The following RIOX2 variants were observed in gnomAD, a reference collection of about 807,000 sequenced individuals.
The protein encoded by RIOX2 is ribosomal oxygenase 2, also known as 60S ribosomal protein L27a histidine hydroxylase.
RIOX2 carries 43 observed loss-of-function variants against 51.2 expected under a neutral mutation model. That is an observed-to-expected ratio of 0.84 (90% CI 0.66 to 1.08). RIOX2 has a LOEUF of 1.08. Among genes scored for constraint, RIOX2 ranks in the 50% least tolerant of loss-of-function variants. The pLI, the probability that RIOX2 is intolerant of heterozygous loss-of-function variation, is 0.00. For synonymous variants in RIOX2, 226 were observed against 218.5 expected, an observed-to-expected ratio of 1.03 and a Z score of -0.30; for missense variants, 566 against 561.7, an observed-to-expected ratio of 1.01 and a Z score of -0.08.
intron 9 of RIOX2, 156 bp downstream of exon 9, chr3:97,945,642 T>A: frequency 1.6e-6 from 1 of 643,440 alleles, no homozygotes; most frequent in Non-Finnish European, 2.7e-6. Context: ...ATGTCTGACT[T>A]AATCATCCCC....
chr3:97,965,210 TAAAA>T (rs10644219), intron 2 of RIOX2, among the ~76,000 whole-genome samples: 2 of 114,906 alleles, frequency 1.7e-5, no homozygotes, highest in East Asian at 2.5e-4. Flanking sequence ...ACAAAGAGAT[TAAAA>T]AAAAAAAAAA....
intron 8 of RIOX2, 108 bp downstream of exon 8, chr3:97,947,253 G>A (rs1307866183): frequency 1.3e-6 from 1 of 792,242 alleles, no homozygotes; most frequent in African/African-American, 1.7e-5. Context: ...ACTGAATGCA[G>A]GTGGATTCCT....
chr3:97,958,553 T>C (rs1012763506), intron 4 of RIOX2, among the ~76,000 whole-genome samples: 38 of 152,196 alleles, frequency 2.5e-4, no homozygotes, highest in African/African-American at 2.7e-4. Flanking sequence ...CTGGTAACTA[T>C]GCAGGGGGCA....
chr3:97,947,667 A>C (rs1404743482), intron 7 of RIOX2, among the ~76,000 whole-genome samples: 1 of 152,242 alleles, frequency 6.6e-6, no homozygotes, highest in Admixed American at 6.5e-5. Context: ...AGACAGACAT[A>C]GATAAATAAT....
chr3:97,954,132 C>T, intron 5 of RIOX2: 1 of 407,414 alleles, frequency 2.5e-6, no homozygotes. Context: ...TAGTCTCTTT[C>T]TTTCCAAACT....
chr3:97,958,887 T>A (rs533915207), intron 4 of RIOX2, among the ~76,000 whole-genome samples, 164 bp downstream of exon 4: 2 of 152,164 alleles, frequency 1.3e-5, no homozygotes, highest in South Asian at 4.1e-4. Context: ...AGAAATTACA[T>A]GTGCTGGCTG....
intron 7 of RIOX2, among the ~76,000 whole-genome samples, chr3:97,948,565 C>T (rs2040412992): frequency 2.0e-5 from 3 of 152,174 alleles, no homozygotes; most frequent in Admixed American, 6.5e-5. Flanking sequence ...ACTGACCGAA[C>T]ATCCCCCTAC....
At chr3:97,962,601 C>T (rs1705728500) in intron 2 of RIOX2, among the ~76,000 whole-genome samples, 1 of 152,084 alleles carries the variant, frequency 6.6e-6, no homozygotes, top group Non-Finnish European at 1.5e-5. Flanking sequence ...AGCGATGGGC[C>T]ATATATTCCC....
At chr3:97,953,725 T>C (rs1237860697) in intron 5 of RIOX2, among the ~76,000 whole-genome samples, 1 of 152,224 alleles carries the variant, frequency 6.6e-6, no homozygotes, top group East Asian at 1.9e-4. Context: ...GCAAGGTTGC[T>C]GCTTTTTGGA....
intron 5 of RIOX2, among the ~76,000 whole-genome samples, chr3:97,952,918 T>A (rs890732957): frequency 6.6e-6 from 1 of 152,134 alleles, no homozygotes; most frequent in Non-Finnish European, 1.5e-5. Context: ...AAGATAGCAC[T>A]AAACTAGGGC....
intron 2 of RIOX2, 34 bp from the exon 3 acceptor site, chr3:97,961,742 T>TG: frequency 6.4e-7 from 1 of 1,555,232 alleles, no homozygotes; most frequent in Non-Finnish European, 8.6e-7. Context: ...AGGGTCGGCG[T>TG]GGGGGAGTGA....
chr3:97,953,184 A>G (rs1705313044), intron 5 of RIOX2, among the ~76,000 whole-genome samples: 1 of 152,090 alleles, frequency 6.6e-6, no homozygotes, highest in Non-Finnish European at 1.5e-5. Context: ...TAATGCCCCT[A>G]CTTAGCTAAA....
At chr3:97,962,883 C>G (rs1705740805) in intron 2 of RIOX2, among the ~76,000 whole-genome samples, 1 of 152,150 alleles carries the variant, frequency 6.6e-6, no homozygotes, top group South Asian at 2.1e-4. Context: ...GCTCCAAAGT[C>G]CATACCTTTC....
intron 3 of RIOX2, among the ~76,000 whole-genome samples, chr3:97,959,760 T>C (rs1021757358): frequency 6.6e-6 from 1 of 152,070 alleles, no homozygotes; most frequent in Admixed American, 6.5e-5. Context: ...GCATCAAATA[T>C]AAAAACATAT....
intron 3 of RIOX2, among the ~76,000 whole-genome samples, chr3:97,960,686 A>C (rs1705644256): frequency 6.6e-6 from 1 of 152,234 alleles, no homozygotes. Flanking sequence ...GGAATCGTGA[A>C]TCCTGACACT....
Position 97,944,884 on chromosome 3 carries a change from G to A in RIOX2, c.*300C>T. The stretch of plus-strand genomic sequence containing the variant: ...TGTTTCTTCCAAAGAACAAAGCCAG[G>A]TTAATGACATTCAATTCTAAATGAT... On this transcript the variant is annotated 3_prime_UTR_variant, in exon 10 of 10. Transcript: ENST00000394198. The A allele has an allele frequency of 5.0e-6, 1 of 200,020 alleles. No homozygotes were observed. Among genetic ancestry groups the A allele is most frequent in the Non-Finnish European group, 1.0e-5 (1 of 99,968 alleles). 12.4% of individuals were successfully genotyped at this position (200,020 alleles called of 1,614,324 possible). A position where few individuals can be genotyped will look rare whatever the true frequency, so the allele number is the denominator to read the frequency against.
rs1291946250 is a variant in RIOX2 at position 97,945,146 on chromosome 3, T to C, written c.*38A>G. The C allele has an allele frequency of 1.3e-6, 2 of 1,553,532 alleles. No homozygotes were observed. Among genetic ancestry groups the C allele is most frequent in the East Asian group, 2.3e-5 (1 of 43,840 alleles). Reference sequence around the variant, plus strand: ...AGGTCTTTGCTTTTCTTTTAATATATGCATATAAAATAGTAGGCATTTGAT... The same window carrying C: ...AGGTCTTTGCTTTTCTTTTAATATACGCATATAAAATAGTAGGCATTTGAT... On this transcript the variant is annotated 3_prime_UTR_variant, in exon 10 of 10. Coordinates refer to ENST00000394198, the MANE Select transcript of RIOX2 (RefSeq NM_153182.4).
Position 97,945,086 on chromosome 3 carries a change from G to T in RIOX2, c.*98C>A. ...TCTCATGTTTGTTAGTAGATACGCA[G>T]GTAAGGAAACTTGAATTCATCCTCT... is the stretch of plus-strand genomic sequence containing the variant. On this transcript the variant is annotated 3_prime_UTR_variant, in exon 10 of 10. Coordinates refer to ENST00000394198, the MANE Select transcript of RIOX2 (RefSeq NM_153182.4). The T allele has an allele frequency of 8.8e-7, 1 of 1,137,612 alleles. No individual in the cohort carries two copies. Among genetic ancestry groups the T allele is most frequent in the Non-Finnish European group, 1.2e-6 (1 of 825,216 alleles). 70.5% of individuals were successfully genotyped at this position (1,137,612 alleles called of 1,614,324 possible).
chr3:97,958,363 T>G (rs1705534345), intron 4 of RIOX2, among the ~76,000 whole-genome samples: 1 of 152,238 alleles, frequency 6.6e-6, no homozygotes, highest in Non-Finnish European at 1.5e-5. Context: ...ACTACTCCTA[T>G]CCATGTAACG....
Sources: allele counts gnomAD v4.1 joint callset (sites outside exome capture counted in the v4.1 genomes callset), GRCh38; gene constraint gnomAD v4.1.1; transcripts MANE v1.5; gene names NCBI Gene and HGNC (gene_info 2026-07-23, HGNC 2026-07-21).